The following RLN2 variants were observed in gnomAD, a reference collection of about 807,000 sequenced individuals.
The protein encoded by RLN2 is relaxin 2.
RLN2 carries 10 observed loss-of-function variants against 7.3 expected under a neutral mutation model. The observed-to-expected ratio is 1.36, with a 90% CI of 0.84 to 2.31. RLN2 has a LOEUF of 2.31. Among genes scored for constraint, RLN2 ranks in the 30% most tolerant of loss-of-function variants. RLN2 has a pLI of 0.00. For synonymous variants in RLN2, 103 were observed against 82.3 expected (o/e 1.25, Z -1.36); for missense variants, 298 against 217.6 (o/e 1.37, Z -2.32).
the RLN2 span, chr9:5,335,490 G>C: frequency 1.2e-6 from 2 of 1,613,208 alleles, no homozygotes; most frequent in South Asian, 2.2e-5. Flanking sequence ...GGTAATGATG[G>C]TTGCCTCTCA....
At chr9:5,310,692 C>A in the RLN2 span, among the ~76,000 whole-genome samples, 1 of 151,950 alleles carries the variant, frequency 6.6e-6, no homozygotes, top group East Asian at 1.9e-4. Context: ...TTAATCCAAG[C>A]CCACTTTCAA....
At position 5,304,658 on chromosome 9, in the gene RLN2, C is replaced by T. The variant is rs548079960; in HGVS notation, c.-78G>A. ...AGCTGCTGTGGCCTACACACCTGGGCCTGTGTGCCTGTCCCGGGCTTTAGG... is the reference window on the plus strand; with the variant it reads ...AGCTGCTGTGGCCTACACACCTGGGTCTGTGTGCCTGTCCCGGGCTTTAGG... On this transcript the variant is annotated 5_prime_UTR_variant, in exon 1 of 2. Transcript: ENST00000381627. 1.4e-4 allele frequency: 199 copies of T among 1,424,068 alleles called. 3 individuals are homozygous for T. The South Asian group carries it at 2.2e-3, about 16-fold the overall frequency. 88.2% of individuals were successfully genotyped at this position (1,424,068 alleles called of 1,614,324 possible). A position where few individuals can be genotyped will look rare whatever the true frequency, so the allele number is the denominator to read the frequency against.
At chr9:5,318,702 T>A in the RLN2 span, among the ~76,000 whole-genome samples, 1 of 151,932 alleles carries the variant, frequency 6.6e-6, no homozygotes, top group African/African-American at 2.4e-5. Flanking sequence ...ACCTTTTGGA[T>A]TCAGAAATTC....
At chr9:5,315,888 GACAA>G in the RLN2 span, among the ~76,000 whole-genome samples, 1 of 151,978 alleles carries the variant, frequency 6.6e-6, no homozygotes, top group Admixed American at 6.6e-5. Flanking sequence ...GTCTTCCCCA[GACAA>G]ACAAAAGAAG....
chr9:5,333,710 C>T, the RLN2 span, among the ~76,000 whole-genome samples: 2 of 151,762 alleles, frequency 1.3e-5, no homozygotes, highest in Non-Finnish European at 2.9e-5. Flanking sequence ...GGCAGACATA[C>T]AACAAAAAAA....
At chr9:5,328,691 C>G in the RLN2 span, among the ~76,000 whole-genome samples, 2 of 151,978 alleles carry the variant, frequency 1.3e-5, no homozygotes, top group Non-Finnish European at 2.9e-5. Flanking sequence ...AAGGGAAGCC[C>G]ATCAGACTAA....
chr9:5,304,572 G>A lies in RLN2; in HGVS notation c.9C>T (p.Arg3=), dbSNP rs750028492. MP[R]LFFFHLLGVC... ...CTCCTAGCAGGTGGAAAAAAAACAGGCGAGGCATCCTGGGCCTGGTCTCTC... is the reference window on the plus strand; with the variant it reads ...CTCCTAGCAGGTGGAAAAAAAACAGACGAGGCATCCTGGGCCTGGTCTCTC... Residue 3 remains arginine (R), a synonymous_variant, in exon 1 of 2, where the codon CGC becomes CGT. Transcript: ENST00000381627. 8.7e-6 allele frequency: 14 copies of A among 1,613,544 alleles called. No homozygotes were observed. The highest frequency in any genetic ancestry group is 6.7e-5 in the East Asian group (3 of 44,820).
At chr9:5,313,889 C>A in the RLN2 span, among the ~76,000 whole-genome samples, 1 of 151,936 alleles carries the variant, frequency 6.6e-6, no homozygotes, top group Non-Finnish European at 1.5e-5. Flanking sequence ...CCAAGATGGC[C>A]ACATAGACAA....
the RLN2 span, among the ~76,000 whole-genome samples, chr9:5,315,505 G>A: frequency 6.6e-6 from 1 of 151,718 alleles, no homozygotes; most frequent in Non-Finnish European, 1.5e-5. Flanking sequence ...ACAGGGAGAA[G>A]AGACAAATGT....
At chr9:5,331,763 C>T in the RLN2 span, among the ~76,000 whole-genome samples, 1 of 151,950 alleles carries the variant, frequency 6.6e-6, no homozygotes, top group Non-Finnish European at 1.5e-5. Flanking sequence ...ACATATATAC[C>T]TGTGTAACAA....
At chr9:5,330,111 CA>C in the RLN2 span, among the ~76,000 whole-genome samples, 1 of 152,004 alleles carries the variant, frequency 6.6e-6, no homozygotes, top group Non-Finnish European at 1.5e-5. Context: ...GAAACTCACT[CA>C]AAACTGCACA....
the RLN2 span, among the ~76,000 whole-genome samples, chr9:5,315,987 T>C: frequency 6.6e-6 from 1 of 152,044 alleles, no homozygotes; most frequent in Non-Finnish European, 1.5e-5. Flanking sequence ...CACTAGTTAC[T>C]AATATGAAGA....
the RLN2 span, among the ~76,000 whole-genome samples, chr9:5,312,874 T>A: frequency 6.6e-6 from 1 of 152,104 alleles, no homozygotes; most frequent in Admixed American, 6.5e-5. Context: ...TATTTTTGAA[T>A]GTTCTGCAAT....
intron 1 of RLN2, 122 bp downstream of exon 1, chr9:5,304,248 C>T (rs1175330506): frequency 1.5e-6 from 1 of 652,406 alleles, no homozygotes; most frequent in African/African-American, 2.3e-5. Context: ...TGAGTAGGGG[C>T]TGAGCGGTGG....
chr9:5,316,213 A>C, the RLN2 span, among the ~76,000 whole-genome samples: 1 of 152,010 alleles, frequency 6.6e-6, no homozygotes, highest in Non-Finnish European at 1.5e-5. Context: ...TATACTTATC[A>C]TTGACATATA....
chr9:5,312,975 TAA>T, the RLN2 span, among the ~76,000 whole-genome samples: 2 of 152,046 alleles, frequency 1.3e-5, no homozygotes, highest in Non-Finnish European at 2.9e-5. Context: ...TTAAATTTGT[TAA>T]GACTTGTTTT....
chr9:5,322,862 A>G, the RLN2 span, among the ~76,000 whole-genome samples: 2,120 of 150,660 alleles, frequency 0.014, 62 homozygotes, highest in African/African-American at 0.05. Context: ...TAGTGATGGG[A>G]TCAGAACAAG....
At chr9:5,337,799 CA>C in the RLN2 span, among the ~76,000 whole-genome samples, 1 of 151,980 alleles carries the variant, frequency 6.6e-6, no homozygotes, top group African/African-American at 2.4e-5. Context: ...TTTGAAATCT[CA>C]TGTCTCTTCT....
the RLN2 span, among the ~76,000 whole-genome samples, chr9:5,323,794 C>T: frequency 2.0e-5 from 3 of 151,970 alleles, no homozygotes; most frequent in South Asian, 2.1e-4. Flanking sequence ...GCCTGTAATC[C>T]CAGCAATTTG....
Sources: allele counts gnomAD v4.1 joint callset (sites outside exome capture counted in the v4.1 genomes callset), GRCh38; gene constraint gnomAD v4.1.1; transcripts MANE v1.5; gene names NCBI Gene and HGNC (gene_info 2026-07-23, HGNC 2026-07-21).